Variants in COL25A1 observed in about 807,000 individuals in gnomAD.
The protein encoded by COL25A1 is collagen type XXV alpha 1 chain, also known as collagen alpha-1(XXV) chain.
COL25A1 carries 103 observed loss-of-function variants against 128.4 expected under a neutral mutation model. The observed-to-expected ratio is 0.80, with a 90% CI of 0.68 to 0.94. The LOEUF is 0.94. COL25A1 is among the 40% of genes least tolerant of loss of function. COL25A1 has a pLI of 0.00. For synonymous variants in COL25A1, 279 were observed against 277.2 expected, an observed-to-expected ratio of 1.01 and a Z score of -0.06; for missense variants, 745 against 840.0, an observed-to-expected ratio of 0.89 and a Z score of 1.40.
chr4:108,955,017 G>C (rs2125955430), intron 8 of COL25A1, among the ~76,000 whole-genome samples: 1 of 151,610 alleles, frequency 6.6e-6, no homozygotes, highest in East Asian at 1.9e-4. Flanking sequence ...AAACCAGGTG[G>C]CATCTGGGAT....
At chr4:108,884,133 A>G in intron 19 of COL25A1, 45 bp downstream of exon 19, 1 of 1,595,806 alleles carries the variant, frequency 6.3e-7, no homozygotes, top group African/African-American at 1.3e-5. Flanking sequence ...GGTGAATCTC[A>G]TAATTACAGT....
At chr4:108,850,000 ATTTT>A (rs1451467605) in intron 26 of COL25A1, among the ~76,000 whole-genome samples, 2 of 152,070 alleles carry the variant, frequency 1.3e-5, no homozygotes, top group Non-Finnish European at 2.9e-5. Context: ...GTAGCAGCAA[ATTTT>A]ATTTTGCCAC....
intron 3 of COL25A1, among the ~76,000 whole-genome samples, chr4:109,196,456 CAT>C (rs1465203474): frequency 6.6e-6 from 1 of 152,010 alleles, no homozygotes; most frequent in Non-Finnish European, 1.5e-5. Context: ...TATATGTTTA[CAT>C]AGAGAGTATA....
chr4:109,023,010 C>T (rs892738645), intron 5 of COL25A1, among the ~76,000 whole-genome samples: 13 of 152,212 alleles, frequency 8.5e-5, no homozygotes, highest in Admixed American at 3.3e-4. Flanking sequence ...ATCACCATAA[C>T]GAAAAAGCCT....
At chr4:108,989,305 G>A (rs1753947997) in intron 6 of COL25A1, among the ~76,000 whole-genome samples, 1 of 152,208 alleles carries the variant, frequency 6.6e-6, no homozygotes, top group African/African-American at 2.4e-5. Flanking sequence ...TGTCAATGGT[G>A]GTGCTGAGCT....
chr4:109,296,892 T>C (rs968307931), intron 3 of COL25A1, among the ~76,000 whole-genome samples: 4 of 152,124 alleles, frequency 2.6e-5, no homozygotes, highest in African/African-American at 9.7e-5. Flanking sequence ...AAAAACCTTC[T>C]CATAGATATG....
At chr4:108,907,822 G>T (rs1279343006) in intron 13 of COL25A1, among the ~76,000 whole-genome samples, 2 of 152,074 alleles carry the variant, frequency 1.3e-5, no homozygotes, top group African/African-American at 2.4e-5. Flanking sequence ...ACTAATACCA[G>T]CCTAATATCA....
At chr4:108,979,823 T>G (rs1336194413) in intron 6 of COL25A1, among the ~76,000 whole-genome samples, 3 of 152,122 alleles carry the variant, frequency 2.0e-5, no homozygotes, top group African/African-American at 7.2e-5. Context: ...GTAAATATAA[T>G]CACAATCAGT....
At chr4:109,118,242 A>G (rs760105684) in intron 3 of COL25A1, among the ~76,000 whole-genome samples, 3 of 151,968 alleles carry the variant, frequency 2.0e-5, no homozygotes, top group Non-Finnish European at 4.4e-5. Context: ...ATCAAAGGGT[A>G]CAATGTTTCA....
At chr4:109,066,657 C>G (rs866699859) in intron 3 of COL25A1, among the ~76,000 whole-genome samples, 1 of 151,974 alleles carries the variant, frequency 6.6e-6, no homozygotes, top group Non-Finnish European at 1.5e-5. Flanking sequence ...AATCAAATTC[C>G]TTTCTTCCTT....
intron 3 of COL25A1, among the ~76,000 whole-genome samples, chr4:109,163,505 C>G (rs1270212215): frequency 6.6e-6 from 1 of 152,202 alleles, no homozygotes; most frequent in African/African-American, 2.4e-5. Context: ...AGAAAAGAAG[C>G]AACAGGGAAA....
chr4:109,087,442 A>G (rs927348949), intron 3 of COL25A1, among the ~76,000 whole-genome samples: 3 of 152,108 alleles, frequency 2.0e-5, no homozygotes. Flanking sequence ...GGCCTAACTC[A>G]TGCCTTGAAA....
chr4:109,059,958 AC>A (rs1261887566), intron 3 of COL25A1, among the ~76,000 whole-genome samples: 1 of 152,204 alleles, frequency 6.6e-6, no homozygotes, highest in African/African-American at 2.4e-5. Context: ...GCAGAGTACA[AC>A]TTTTGAAATC....
intron 11 of COL25A1, among the ~76,000 whole-genome samples, chr4:108,922,839 T>C (rs1307432702): frequency 6.6e-6 from 1 of 152,198 alleles, no homozygotes; most frequent in Non-Finnish European, 1.5e-5. Context: ...ATACATGTCT[T>C]ATAGAATTTT....
At chr4:109,138,866 C>T (rs1473747628) in intron 3 of COL25A1, among the ~76,000 whole-genome samples, 1 of 152,102 alleles carries the variant, frequency 6.6e-6, no homozygotes, top group Non-Finnish European at 1.5e-5. Context: ...CACCACCACG[C>T]CTGGCTAATT....
rs200181154 is a variant in COL25A1 at position 108,943,824 on chromosome 4, C to CAAAAA, written c.493-2392_493-2388dup. Among the ~76,000 whole-genome samples the CAAAAA allele has an allele frequency of 3.2e-3, 445 of 137,276 alleles. 7 individuals are homozygous for CAAAAA. The highest frequency in any genetic ancestry group is 0.031 in the East Asian group (132 of 4,226). The allele number at this position is 137,276 out of a possible 152,430, so 90.1% of individuals were successfully genotyped here. ...ACTAAAGCCTTTTATTCCTTTTTTT[C>CAAAAA]AAAAAAAAAAAAACACAGAACATGT... On this transcript the variant is annotated intron_variant, in intron 8 of 37. Coordinates refer to ENST00000399132, the MANE Select transcript of COL25A1 (RefSeq NM_198721.4).
chr4:108,884,364 G>A (rs1362357435), intron 18 of COL25A1, 142 bp from the exon 19 acceptor site: 1 of 714,290 alleles, frequency 1.4e-6, no homozygotes, highest in East Asian at 2.8e-5. Context: ...ACTTTGATGA[G>A]ATTATGCAAT....
intron 3 of COL25A1, among the ~76,000 whole-genome samples, chr4:109,263,579 A>G (rs1470535750): frequency 6.6e-6 from 1 of 152,192 alleles, no homozygotes; most frequent in Non-Finnish European, 1.5e-5. Flanking sequence ...TGGTTTCTAC[A>G]ATCAATTGCC....
chr4:109,294,390 TA>T (rs1241513370), intron 3 of COL25A1, among the ~76,000 whole-genome samples: 1 of 152,162 alleles, frequency 6.6e-6, no homozygotes, highest in Non-Finnish European at 1.5e-5. Context: ...CTTCTATACT[TA>T]ACTTTTTTAA....
Sources: allele counts gnomAD v4.1 joint callset (sites outside exome capture counted in the v4.1 genomes callset), GRCh38; gene constraint gnomAD v4.1.1; transcripts MANE v1.5; gene names NCBI Gene and HGNC (gene_info 2026-07-23, HGNC 2026-07-21).